The following PCDH15 variants were observed in gnomAD, a reference collection of about 807,000 sequenced individuals.
PCDH15 encodes the protein protocadherin-15.
In PCDH15, 129 loss-of-function variants were observed where a neutral mutation model predicts 178.5. The observed-to-expected ratio is 0.72, with a 90% CI of 0.63 to 0.84. The LOEUF is 0.84. Ranked by LOEUF, PCDH15 falls within the 40% of genes least tolerant of loss-of-function variation. The probability of loss-of-function intolerance (pLI) is 0.00; values close to 1 mark genes in which losing one functional copy is unlikely to be tolerated. For missense variants in PCDH15, 2,230 were observed against 2,099.9 expected (o/e 1.06, Z -1.21); for synonymous variants, 800 against 732.0 (o/e 1.09, Z -1.50).
chr10:54,412,571 C>T (rs1241382658), intron 3 of PCDH15, among the ~76,000 whole-genome samples: 1 of 152,108 alleles, frequency 6.6e-6, no homozygotes, highest in Non-Finnish European at 1.5e-5. Flanking sequence ...GGGTGAGATC[C>T]TTCCAGGTTC....
intron 1 of PCDH15, among the ~76,000 whole-genome samples, chr10:55,233,375 C>T (rs778821027): frequency 2.6e-5 from 4 of 152,088 alleles, no homozygotes; most frequent in Admixed American, 6.6e-5. Context: ...TAATTAGATG[C>T]TTTACTGCTA....
At chr10:54,482,481 T>C (rs1009859809) in intron 3 of PCDH15, among the ~76,000 whole-genome samples, 6 of 151,672 alleles carry the variant, frequency 4.0e-5, no homozygotes, top group African/African-American at 1.5e-4. Context: ...AGTAGGTAAG[T>C]AGAGAGTGTA....
At chr10:54,233,530 A>G (rs1034026483) in intron 9 of PCDH15, among the ~76,000 whole-genome samples, 1 of 152,156 alleles carries the variant, frequency 6.6e-6, no homozygotes, top group African/African-American at 2.4e-5. Flanking sequence ...ATTTAACGAT[A>G]TTGGTTTTAT....
At chr10:55,075,376 T>C (rs1044508414) in intron 2 of PCDH15, among the ~76,000 whole-genome samples, 4 of 150,280 alleles carry the variant, frequency 2.7e-5, no homozygotes, top group African/African-American at 9.8e-5. Flanking sequence ...ATTTTTTTTT[T>C]TTTTTTTTGA....
At chr10:54,608,012 C>G in intron 2 of PCDH15, 1 of 459,316 alleles carries the variant, frequency 2.2e-6, no homozygotes, top group South Asian at 1.6e-5. Context: ...TGTGAGAAGA[C>G]TTGCACACAT....
chr10:54,619,882 A>C (rs2093301803), intron 2 of PCDH15, among the ~76,000 whole-genome samples: 1 of 152,016 alleles, frequency 6.6e-6, no homozygotes, highest in African/African-American at 2.4e-5. Flanking sequence ...TATCCAAGAC[A>C]GGGGTTGGCA....
At chr10:54,676,169 G>A (rs867049425) in intron 1 of PCDH15, among the ~76,000 whole-genome samples, 9 of 151,636 alleles carry the variant, frequency 5.9e-5, no homozygotes, top group East Asian at 3.9e-4. Context: ...TTAAATCGTC[G>A]AACTTAGATA....
chr10:55,456,034 T>C (rs1839543845), intron 2 of PCDH15, among the ~76,000 whole-genome samples: 1 of 152,114 alleles, frequency 6.6e-6, no homozygotes, highest in Admixed American at 6.6e-5. Flanking sequence ...AGCCAACTCA[T>C]CATGGCTGTT....
At chr10:53,874,611 G>A (rs950194094) in intron 26 of PCDH15, among the ~76,000 whole-genome samples, 13 of 152,014 alleles carry the variant, frequency 8.6e-5, no homozygotes, top group African/African-American at 3.1e-4. Context: ...ACAGAAGCAG[G>A]TGCTTTTTCA....
intron 2 of PCDH15, among the ~76,000 whole-genome samples, chr10:54,542,010 GGATT>G (rs2085292442): frequency 6.6e-6 from 1 of 151,954 alleles, no homozygotes; most frequent in South Asian, 2.1e-4. Flanking sequence ...CAAACTGTAT[GGATT>G]AATTTTTGAA....
Position 54,020,217 on chromosome 10 carries a change from A to C in PCDH15, c.2726T>G (p.Ile909Ser). The C allele has an allele frequency of 6.2e-7, 1 of 1,613,698 alleles. No homozygotes were observed. The highest frequency in any genetic ancestry group is 8.5e-7 in the Non-Finnish European group (1 of 1,179,734). The change falls in exon 20 of 38, where the codon ATT becomes AGT. Residue 909 changes from isoleucine (I) to serine (S), a missense_variant. Transcript: ENST00000644397. ...FDIYGTMPPG[I>S]ATVTVIVKDM... ...CTTTACAATCACTGTGACAGTAGCA[A>C]TACCAGGTGGCATTGTTCCATAAAT...
At chr10:54,622,252 A>G (rs1411803047) in intron 2 of PCDH15, among the ~76,000 whole-genome samples, 1 of 150,934 alleles carries the variant, frequency 6.6e-6, no homozygotes, top group Admixed American at 6.6e-5. Flanking sequence ...GAGGAAATTT[A>G]TGTGTGTGTG....
chr10:55,591,456 T>A (rs1842841747), intron 2 of PCDH15, among the ~76,000 whole-genome samples: 2 of 151,472 alleles, frequency 1.3e-5, no homozygotes, highest in African/African-American at 4.9e-5. Context: ...CATAAATAAA[T>A]AAAGTTATGA....
At chr10:54,400,763 T>C (rs1951829936) in intron 3 of PCDH15, among the ~76,000 whole-genome samples, 1 of 151,888 alleles carries the variant, frequency 6.6e-6, no homozygotes, top group Non-Finnish European at 1.5e-5. Context: ...TGTGTCCAGA[T>C]TTCTTCCAGA....
rs1589142742 is a variant in PCDH15, at chr10:55,566,162, T to C, written c.-156+61463A>G. Among the ~76,000 whole-genome samples the C allele has an allele frequency of 2.0e-5, 3 of 151,812 alleles. No homozygotes were observed. In the South Asian group the frequency reaches 6.2e-4, roughly 31 times the overall value. ...TCAAAGATATTTCAACATACAAAAA[T>C]TGTTAAATGTAATATACCATATTAA... On this transcript the variant is annotated intron_variant, in intron 2 of 5. Transcript: ENST00000613346.
chr10:55,532,142 T>C (rs1841469098), intron 2 of PCDH15, among the ~76,000 whole-genome samples: 1 of 152,008 alleles, frequency 6.6e-6, no homozygotes, highest in Non-Finnish European at 1.5e-5. Context: ...AGAGAATCAA[T>C]AAAGCAAATA....
Position 54,790,191 on chromosome 10 carries a change from C to A in PCDH15, c.-29+10734G>T, listed in dbSNP as rs367642257. Among the ~76,000 whole-genome samples the A allele has an allele frequency of 1.1e-4, 16 of 151,860 alleles. No individual in the cohort carries two copies. The East Asian group carries it at 2.7e-3, about 26-fold the overall frequency. Reference sequence around the variant, plus strand: ...TAAGTCAAAGAAAGTAAGGCCAATTCTTTGCTTGAGTACAGGAATGTCTAC... The same window carrying A: ...TAAGTCAAAGAAAGTAAGGCCAATTATTTGCTTGAGTACAGGAATGTCTAC... On this transcript the variant is annotated intron_variant, in intron 1 of 37. Coordinates refer to ENST00000644397, the MANE Select transcript of PCDH15 (RefSeq NM_001384140.1).
chr10:54,461,995 T>C (rs1192074644), intron 3 of PCDH15, among the ~76,000 whole-genome samples: 1 of 152,056 alleles, frequency 6.6e-6, no homozygotes, highest in Non-Finnish European at 1.5e-5. Flanking sequence ...ATTTAACAAT[T>C]TTATTATAAA....
chr10:55,315,757 C>A (rs913792614), intron 1 of PCDH15, among the ~76,000 whole-genome samples: 1 of 152,148 alleles, frequency 6.6e-6, no homozygotes, highest in Non-Finnish European at 1.5e-5. Context: ...GTGGCTCCTG[C>A]CTGCAATCCC....
Sources: gnomAD v4.1 joint callset for allele counts (sites outside exome capture counted in the v4.1 genomes callset) on GRCh38, gnomAD v4.1.1 for gene constraint, MANE v1.5 for transcripts, NCBI Gene and HGNC (gene_info 2026-07-23, HGNC 2026-07-21) for gene names.